Variants in RTN1 observed in about 807,000 individuals in gnomAD.
RTN1 encodes the protein reticulon-1.
In RTN1, 25 loss-of-function variants were observed where a neutral mutation model predicts 65.5. The observed-to-expected ratio is 0.38, with a 90% CI of 0.28 to 0.53. The LOEUF is 0.53. Among genes scored for constraint, RTN1 ranks in the 20% least tolerant of loss-of-function variants. The probability of loss-of-function intolerance (pLI) is 0.79; values close to 1 mark genes in which losing one functional copy is unlikely to be tolerated. For synonymous variants in RTN1, 471 were observed against 447.6 expected (o/e 1.05, Z -0.66); for missense variants, 983 against 1,025.4 (o/e 0.96, Z 0.57).
chr14:59,792,641 T>C (rs750433579), intron 1 of RTN1, among the ~76,000 whole-genome samples: 1 of 152,184 alleles, frequency 6.6e-6, no homozygotes, highest in Non-Finnish European at 1.5e-5. Context: ...TTTTTTGGTA[T>C]TTACTGTCAT....
chr14:59,641,223 C>T (rs1882774322), intron 3 of RTN1, among the ~76,000 whole-genome samples: 1 of 152,176 alleles, frequency 6.6e-6, no homozygotes, highest in African/African-American at 2.4e-5. Context: ...CCACCTTGGC[C>T]TCCCAAGTGT....
chr14:59,724,028 T>C (rs887739216), intron 3 of RTN1, among the ~76,000 whole-genome samples: 2 of 152,246 alleles, frequency 1.3e-5, no homozygotes, highest in Non-Finnish European at 2.9e-5. Flanking sequence ...GCTTTTTACT[T>C]GGACATTCCT....
chr14:59,817,727 C>T (rs1428619085), intron 1 of RTN1, among the ~76,000 whole-genome samples: 1 of 152,042 alleles, frequency 6.6e-6, no homozygotes, highest in African/African-American at 2.4e-5. Flanking sequence ...ACCCTAGTGT[C>T]CTGCCATGCA....
chr14:59,672,168 C>T (rs1485865152), intron 3 of RTN1, among the ~76,000 whole-genome samples: 1 of 152,074 alleles, frequency 6.6e-6, no homozygotes, highest in Non-Finnish European at 1.5e-5. Context: ...TGCCATTTGA[C>T]CTCTTTGAGC....
rs1252103147 is a variant in RTN1 at position 59,696,983 on chromosome 14, G to T, written c.1765+29936C>A. On this transcript the variant is annotated intron_variant, in intron 3 of 8. Transcript: ENST00000267484. Reference sequence around the variant, plus strand: ...GTGATTGCAGTGGCATTGTCAACTAGCCACTACATACTCCTGAGTTATTTT... The same window carrying T: ...GTGATTGCAGTGGCATTGTCAACTATCCACTACATACTCCTGAGTTATTTT... Among the ~76,000 whole-genome samples, 6 of 152,074 alleles carry T rather than the reference G, an allele frequency of 3.9e-5. No individual in the cohort carries two copies. The South Asian group carries it at 8.3e-4, about 21-fold the overall frequency.
At chr14:59,699,279 A>C (rs947545839) in intron 3 of RTN1, among the ~76,000 whole-genome samples, 8 of 152,058 alleles carry the variant, frequency 5.3e-5, no homozygotes, top group Non-Finnish European at 8.8e-5. Context: ...GAAATAAAAA[A>C]ATAAAAAATA....
At chr14:59,780,416 A>G (rs536796368) in intron 1 of RTN1, among the ~76,000 whole-genome samples, 2 of 152,358 alleles carry the variant, frequency 1.3e-5, no homozygotes, top group South Asian at 2.1e-4. Context: ...ATTTATATCC[A>G]ATTGTCATGA....
chr14:59,808,844 A>G (rs999242275), intron 1 of RTN1, among the ~76,000 whole-genome samples: 1 of 151,990 alleles, frequency 6.6e-6, no homozygotes, highest in African/African-American at 2.4e-5. Flanking sequence ...TGCTCCCACC[A>G]TGTGAGAGGA....
chr14:59,696,862 G>T (rs1884074327), intron 3 of RTN1, among the ~76,000 whole-genome samples: 1 of 152,036 alleles, frequency 6.6e-6, no homozygotes, highest in African/African-American at 2.4e-5. Context: ...AGAAACATTA[G>T]TAAGAGCTTC....
At position 59,727,175 on chromosome 14, in the gene RTN1, G is replaced by T; in HGVS notation, c.1509C>A (p.Gly503=). 6.3e-7 allele frequency: 1 copy of T among 1,589,660 alleles called. No homozygotes were observed. Among genetic ancestry groups the T allele is most frequent in the Non-Finnish European group, 8.6e-7 (1 of 1,168,136 alleles). ...TTGGCGCACGCTCCTCGGCCCGGAC[G>T]CCAGTCTCCTCCCGGATGGCATCCA... The part of the protein sequence containing the change: ...SALDAIREET[G]VRAEERAPSR... The change falls in exon 3 of 9, where the codon GGC becomes GGA. Residue 503 remains glycine, a synonymous_variant. Coordinates refer to ENST00000267484, the MANE Select transcript of RTN1 (RefSeq NM_021136.3). This position sits in a 1 kb window ranked among gnomAD's most constrained non-coding sequence, Gnocchi z 4.2.
intron 8 of RTN1, among the ~76,000 whole-genome samples, chr14:59,602,560 T>C (rs1881612900): frequency 6.6e-6 from 1 of 152,098 alleles, no homozygotes; most frequent in African/African-American, 2.4e-5. Context: ...ATACACACAG[T>C]TGTCGAGTTA....
intron 3 of RTN1, among the ~76,000 whole-genome samples, chr14:59,650,607 C>T (rs2140198935): frequency 6.6e-6 from 1 of 152,192 alleles, no homozygotes; most frequent in Admixed American, 6.5e-5. Context: ...TTCCTGTACA[C>T]CAATAACAGC....
intron 3 of RTN1, among the ~76,000 whole-genome samples, chr14:59,627,557 T>A (rs1488032367): frequency 6.6e-6 from 1 of 152,268 alleles, no homozygotes; most frequent in East Asian, 1.9e-4. Context: ...CATTTAATTC[T>A]CATTTTGTTT....
Position 59,639,804 on chromosome 14 carries a change from AT to A in RTN1, c.1766-32313del, listed in dbSNP as rs1016855528. 5.4e-3 allele frequency among the ~76,000 whole-genome samples: 826 copies of A among 152,148 alleles called. 8 individuals are homozygous for A. The highest frequency in any genetic ancestry group is 0.017 in the African/African-American group (708 of 41,514). The stretch of plus-strand genomic sequence containing the variant: ...TTGAGATGACCACATGGATTTTTTT[AT>A]TTTTTTAATATAAAAATTACATGCA... On this transcript the variant is annotated intron_variant, in intron 3 of 8. Coordinates refer to ENST00000267484, the MANE Select transcript of RTN1 (RefSeq NM_021136.3).
In RTN1 at chr14:59,870,668, T is replaced by A; in HGVS notation, c.-38A>T. On this transcript the variant is annotated 5_prime_UTR_variant, in exon 1 of 9. Coordinates refer to ENST00000267484, the MANE Select transcript of RTN1 (RefSeq NM_021136.3). The surrounding 1 kb of genome is among the most constrained non-coding windows in gnomAD (Gnocchi z 5.1). ...CCCGGCGCGGCGACGGCGGCTTGGCTGGGCAGAGGCTCGGTGGCTGCGCGG... is the reference window on the plus strand; with the variant it reads ...CCCGGCGCGGCGACGGCGGCTTGGCAGGGCAGAGGCTCGGTGGCTGCGCGG... The A allele has an allele frequency of 7.5e-7, 1 of 1,339,296 alleles. No homozygotes were observed. The highest frequency in any genetic ancestry group is 9.5e-7 in the Non-Finnish European group (1 of 1,053,774). 83.0% of individuals were successfully genotyped at this position (1,339,296 alleles called of 1,614,324 possible).
chr14:59,805,905 C>T (rs1263381421), intron 1 of RTN1, among the ~76,000 whole-genome samples: 1 of 152,062 alleles, frequency 6.6e-6, no homozygotes, highest in Non-Finnish European at 1.5e-5. Flanking sequence ...AAATTGGGAC[C>T]AGAGGATGTC....
intron 1 of RTN1, among the ~76,000 whole-genome samples, chr14:59,869,525 A>C (rs1047654841): frequency 7.2e-6 from 1 of 138,194 alleles, no homozygotes; most frequent in African/African-American, 2.7e-5. Flanking sequence ...GCGCGCTCAG[A>C]CTTTGAATAG....
intron 3 of RTN1, chr14:59,630,851 G>C: frequency 5.0e-6 from 5 of 998,724 alleles, no homozygotes; most frequent in Non-Finnish European, 6.0e-6. Flanking sequence ...TGGGTGGGAG[G>C]TTTGGGAGGA....
intron 3 of RTN1, among the ~76,000 whole-genome samples, chr14:59,714,817 C>T (rs1489922792): frequency 6.6e-5 from 10 of 152,180 alleles, no homozygotes; most frequent in African/African-American, 1.9e-4. Context: ...GGTACTGGTC[C>T]GTGGTCTGTT....
Sources: gnomAD v4.1 joint callset for allele counts (sites outside exome capture counted in the v4.1 genomes callset) on GRCh38, gnomAD v4.1.1 for gene constraint, Gnocchi (gnomAD v3.1) non-coding constraint, MANE v1.5 for transcripts, NCBI Gene and HGNC (gene_info 2026-07-23, HGNC 2026-07-21) for gene names.